The following ZNF462 variants were observed in gnomAD, a reference collection of about 807,000 sequenced individuals.
ZNF462 encodes the protein zinc finger PBX1-interacting protein.
In ZNF462, 10 loss-of-function variants were observed where a neutral mutation model predicts 201.9. That is an observed-to-expected ratio of 0.05 (90% CI 0.03 to 0.08). The LOEUF (loss-of-function observed/expected upper bound fraction) is 0.08, where lower values mean the gene tolerates loss of function less well. Ranked by LOEUF, ZNF462 falls within the 10% of genes least tolerant of loss-of-function variation. The probability of loss-of-function intolerance (pLI) is 1.00; values close to 1 mark genes in which losing one functional copy is unlikely to be tolerated. For synonymous variants in ZNF462, 1,227 were observed against 1,193.3 expected (o/e 1.03, Z -0.58); for missense variants, 2,523 against 3,168.3 (o/e 0.80, Z 4.89).
In ZNF462 at chr9:106,954,750, C is replaced by T. The variant is rs189686489; in HGVS notation, c.6427+15643C>T. 1.2e-4 allele frequency among the ~76,000 whole-genome samples: 19 copies of T among 152,166 alleles called. No homozygotes were observed. Among genetic ancestry groups the T allele is most frequent in the Admixed American group, 9.2e-4 (14 of 15,282 alleles). Reference sequence around the variant, plus strand: ...TTTCTGTGATGCAACAGTGATCTCCCGAGATGTGAGTCAACTCTTCCTCTG... The same window carrying T: ...TTTCTGTGATGCAACAGTGATCTCCTGAGATGTGAGTCAACTCTTCCTCTG... On this transcript the variant is annotated intron_variant, in intron 7 of 12. Coordinates refer to ENST00000277225, the MANE Select transcript of ZNF462 (RefSeq NM_021224.6). This position sits in a 1 kb window ranked among gnomAD's most constrained non-coding sequence, Gnocchi z 4.0.
intron 10 of ZNF462, among the ~76,000 whole-genome samples, chr9:106,998,632 G>T (rs917050781): frequency 6.6e-6 from 1 of 151,746 alleles, no homozygotes; most frequent in South Asian, 2.1e-4. Flanking sequence ...TTTTGAGATG[G>T]AGTCTTGCTC....
intron 1 of ZNF462, among the ~76,000 whole-genome samples, chr9:106,863,639 G>A (rs1827156068): frequency 6.6e-6 from 1 of 152,062 alleles, no homozygotes; most frequent in South Asian, 2.1e-4. Context: ...AGGTGGTAGT[G>A]GTGGCAGTGG....
chr9:106,861,752 G>T (rs1021569728), upstream of ZNF462, among the ~76,000 whole-genome samples: 5 of 152,162 alleles, frequency 3.3e-5, no homozygotes, highest in African/African-American at 2.4e-5. Flanking sequence ...GTGGTGGAGG[G>T]GGGGAACCAC....
At chr9:106,893,917 C>T (rs1313222457) in intron 1 of ZNF462, among the ~76,000 whole-genome samples, 1 of 152,178 alleles carries the variant, frequency 6.6e-6, no homozygotes, top group Non-Finnish European at 1.5e-5. Flanking sequence ...CTACAAACCT[C>T]TTTGAGATTA....
In ZNF462 at chr9:106,876,448, T is replaced by C. The variant is rs1038161413; in HGVS notation, c.-31+13093T>C. On this transcript the variant is annotated intron_variant, in intron 1 of 12. Coordinates refer to ENST00000277225, the MANE Select transcript of ZNF462 (RefSeq NM_021224.6). The surrounding 1 kb of genome is among the most constrained non-coding windows in gnomAD (Gnocchi z 4.9). ...GTCTTAAAGTCAGCTTTTGGAATCC[T>C]GCTTGTTTAATTTTGTGCTGTGTGT... Among the ~76,000 whole-genome samples, 9 of 152,206 alleles carry C rather than the reference T, an allele frequency of 5.9e-5. No individual in the cohort carries two copies. The highest frequency in any genetic ancestry group is 2.2e-4 in the African/African-American group (9 of 41,460).
At chr9:106,951,360 G>C (rs1386535134) in intron 7 of ZNF462, among the ~76,000 whole-genome samples, 1 of 152,184 alleles carries the variant, frequency 6.6e-6, no homozygotes, top group African/African-American at 2.4e-5. Flanking sequence ...AGCAGAATAA[G>C]AGTTGGAGAA....
At chr9:106,893,054 A>T (rs189619601) in intron 1 of ZNF462, among the ~76,000 whole-genome samples, 9 of 152,336 alleles carry the variant, frequency 5.9e-5, no homozygotes, top group Admixed American at 5.9e-4. Context: ...AAAAGTGTGG[A>T]CGTCAACTTT....
chr9:106,907,659 G>A (rs564105589), intron 1 of ZNF462, among the ~76,000 whole-genome samples: 3 of 151,706 alleles, frequency 2.0e-5, no homozygotes, highest in African/African-American at 4.8e-5. Context: ...ATTTTATATA[G>A]CATATTTTTA....
At chr9:106,939,602 T>C (rs78304494) in intron 7 of ZNF462, among the ~76,000 whole-genome samples, 3,540 of 152,102 alleles carry the variant, frequency 0.023, 145 homozygotes, top group African/African-American at 0.078. Flanking sequence ...AGGGGTGACA[T>C]AGGGATTTCT....
rs1588064307 is a variant in ZNF462, at chr9:106,925,250, C to T, written c.1338C>T (p.Phe446=). 6 of 1,614,060 alleles carry T rather than the reference C, an allele frequency of 3.7e-6. No individual in the cohort carries two copies. The stretch of plus-strand genomic sequence containing the variant: ...GGTTCCAGTGCCCCTTTTGTCCTTT[C>T]CTCACCATGCATCGACGTAGCATCT... The part of the protein sequence containing the change: ...MNRFQCPFCP[F]LTMHRRSISR... Residue 446 remains phenylalanine (F), a synonymous_variant, in exon 3 of 13, where the codon TTC becomes TTT. Coordinates refer to ENST00000277225, the MANE Select transcript of ZNF462 (RefSeq NM_021224.6). The surrounding 1 kb of genome is among the most constrained non-coding windows in gnomAD (Gnocchi z 7.9).
At chr9:106,904,787 TA>T (rs1829199415) in intron 1 of ZNF462, among the ~76,000 whole-genome samples, 1 of 152,232 alleles carries the variant, frequency 6.6e-6, no homozygotes, top group South Asian at 2.1e-4. Context: ...TTCTTTAAGC[TA>T]TCTGTTTCCA....
chr9:106,871,113 A>G (rs980576614), intron 1 of ZNF462, among the ~76,000 whole-genome samples: 5 of 152,202 alleles, frequency 3.3e-5, no homozygotes, highest in African/African-American at 7.2e-5. Flanking sequence ...CAGTGGCACA[A>G]TGTGGGATAC....
chr9:106,974,191 C>T lies in ZNF462; in HGVS notation c.6750C>T (p.Gly2250=). 1.2e-6 allele frequency: 2 copies of T among 1,614,116 alleles called. No individual in the cohort carries two copies. The highest frequency in any genetic ancestry group is 8.5e-7 in the Non-Finnish European group (1 of 1,179,998). Residue 2250 remains glycine (G), a synonymous_variant, in exon 9 of 13, where the codon GGC becomes GGT. Coordinates refer to ENST00000277225, the MANE Select transcript of ZNF462 (RefSeq NM_021224.6). The surrounding 1 kb of genome is among the most constrained non-coding windows in gnomAD (Gnocchi z 4.0). ...GGCACTCAGCAGTTCCCGAGGAGGGCCCCAAAGATCTTCGCTGTCCTCTCT... is the reference window on the plus strand; with the variant it reads ...GGCACTCAGCAGTTCCCGAGGAGGGTCCCAAAGATCTTCGCTGTCCTCTCT... The part of the protein sequence containing the change: ...EAGHSAVPEE[G]PKDLRCPLCL...
At chr9:106,994,909 C>T (rs1346188523) in intron 10 of ZNF462, among the ~76,000 whole-genome samples, 1 of 152,100 alleles carries the variant, frequency 6.6e-6, no homozygotes, top group Admixed American at 6.6e-5. Flanking sequence ...TTTATCTCAC[C>T]TTTCTTTCAA....
chr9:106,958,018 A>G (rs28633093), intron 7 of ZNF462, among the ~76,000 whole-genome samples: 41,945 of 152,098 alleles, frequency 0.28, 9,056 homozygotes, highest in African/African-American at 0.61. Context: ...AGAAACAGTT[A>G]GATGAACAGT....
At position 106,970,411 on chromosome 9, in the gene ZNF462, G is replaced by C. The variant is rs532281666; in HGVS notation, c.6428-1594G>C. ...CAGGCGGTGGCCCAGCAATCAGGGA[G>C]GCTGCTCTGCTTTTGTTTTCCTGTT... On this transcript the variant is annotated intron_variant, in intron 7 of 12. Transcript: ENST00000277225. This position sits in a 1 kb window ranked among gnomAD's most constrained non-coding sequence, Gnocchi z 4.2. Among the ~76,000 whole-genome samples the C allele has an allele frequency of 1.3e-5, 2 of 152,294 alleles. No individual in the cohort carries two copies. Among genetic ancestry groups the C allele is most frequent in the East Asian group, 3.9e-4 (2 of 5,170 alleles).
intron 1 of ZNF462, among the ~76,000 whole-genome samples, chr9:106,892,106 G>A (rs1167248218): frequency 6.6e-6 from 1 of 152,172 alleles, no homozygotes; most frequent in Non-Finnish European, 1.5e-5. Flanking sequence ...ATGAAGACTA[G>A]GTCTAAAATT....
chr9:106,932,568 T>C lies in ZNF462; in HGVS notation c.6116+19T>C, dbSNP rs747197828. 1 of 1,614,062 alleles carries C rather than the reference T, an allele frequency of 6.2e-7. No individual in the cohort carries two copies. Among genetic ancestry groups the C allele is most frequent in the South Asian group, 1.1e-5 (1 of 91,068 alleles). On this transcript the variant is annotated intron_variant, in intron 5 of 12. Coordinates refer to ENST00000277225, the MANE Select transcript of ZNF462 (RefSeq NM_021224.6). This position sits in a 1 kb window ranked among gnomAD's most constrained non-coding sequence, Gnocchi z 6.8. Reference sequence around the variant, plus strand: ...GGCACAAGTAAGTGCTATTGGGGGGTCACTAGTGGTTACTGGGAGATGATG... The same window carrying C: ...GGCACAAGTAAGTGCTATTGGGGGGCCACTAGTGGTTACTGGGAGATGATG...
Position 106,880,275 on chromosome 9 carries a change from C to A in ZNF462, c.-31+16920C>A, listed in dbSNP as rs984065927. Among the ~76,000 whole-genome samples, 2 of 152,224 alleles carry A rather than the reference C, an allele frequency of 1.3e-5. No individual in the cohort carries two copies. The highest frequency in any genetic ancestry group is 4.8e-5 in the African/African-American group (2 of 41,452). On this transcript the variant is annotated intron_variant, in intron 1 of 12. Transcript: ENST00000277225. This position sits in a 1 kb window ranked among gnomAD's most constrained non-coding sequence, Gnocchi z 4.1. ...AATGCTGAAATCTTCTCTGCATCAG[C>A]TCATGATTCTGTCTGGGCCTGTGCA...
Sources: allele counts gnomAD v4.1 joint callset (sites outside exome capture counted in the v4.1 genomes callset), GRCh38; gene constraint gnomAD v4.1.1; non-coding constraint Gnocchi (gnomAD v3.1); transcripts MANE v1.5; gene names NCBI Gene and HGNC (gene_info 2026-07-23, HGNC 2026-07-21).